Variants in RIPOR2 observed in about 807,000 individuals in gnomAD.
RIPOR2 encodes rho family-interacting cell polarization regulator 2.
Under a neutral mutation model 114.5 loss-of-function variants are expected in RIPOR2, and 39 were observed. That is an observed-to-expected ratio of 0.34 (90% confidence interval 0.26 to 0.44). The LOEUF (loss-of-function observed/expected upper bound fraction) is 0.44. Among genes scored for constraint, RIPOR2 ranks in the 20% least tolerant of loss-of-function variants. The probability of loss-of-function intolerance (pLI) is 1.00; values close to 1 mark genes in which losing one functional copy is unlikely to be tolerated. For synonymous variants in RIPOR2, 445 were observed against 484.4 expected, an observed-to-expected ratio of 0.92 and a Z score of 1.07; for missense variants, 1,007 against 1,255.1, an observed-to-expected ratio of 0.80 and a Z score of 2.99.
intron 1 of RIPOR2, among the ~76,000 whole-genome samples, chr6:24,905,797 T>C (rs1378416163): frequency 1.3e-5 from 2 of 152,240 alleles, no homozygotes; most frequent in African/African-American, 4.8e-5. Flanking sequence ...TCTGCCTTGC[T>C]TTTGTATTTC....
intron 1 of RIPOR2, among the ~76,000 whole-genome samples, chr6:24,989,387 C>G (rs1175194467): frequency 6.6e-6 from 1 of 151,714 alleles, no homozygotes; most frequent in South Asian, 2.1e-4. Flanking sequence ...CCTCCGCCTC[C>G]TGGGTTTGAG....
At chr6:24,839,382 ATT>A (rs1761412476) in intron 13 of RIPOR2, 110 bp from the exon 14 acceptor site, 1 of 1,438,368 alleles carries the variant, frequency 7.0e-7, no homozygotes, top group South Asian at 1.5e-5. Flanking sequence ...TCAAGTTTTT[ATT>A]TTTTGTTAGC....
At position 24,976,941 on chromosome 6, in the gene RIPOR2, G is replaced by A; in HGVS notation, c.76+64910C>T. 3 of 1,566,462 alleles carry A rather than the reference G, an allele frequency of 1.9e-6. No individual in the cohort carries two copies. The South Asian group carries it at 3.3e-5, about 17-fold the overall frequency. On this transcript the variant is annotated intron_variant, in intron 1 of 13. Transcript: ENST00000510784. Reference sequence around the variant, plus strand: ...TTTGGGTCCAGGAATGGCAAGACCAGCAAGAAGATCACCATTGCTGACTGT... The same window carrying A: ...TTTGGGTCCAGGAATGGCAAGACCAACAAGAAGATCACCATTGCTGACTGT...
intron 1 of RIPOR2, among the ~76,000 whole-genome samples, chr6:24,931,372 C>T (rs796742996): frequency 1.2e-4 from 19 of 152,274 alleles, no homozygotes; most frequent in African/African-American, 4.6e-4. Context: ...GGAAAAAGTG[C>T]TAACTTACTT....
chr6:24,943,672 G>A (rs421817), intron 1 of RIPOR2, among the ~76,000 whole-genome samples: 26,313 of 151,708 alleles, frequency 0.17, 2,443 homozygotes, highest in East Asian at 0.34. Flanking sequence ...TAATTTACCA[G>A]CTTCCACACA....
intron 1 of RIPOR2, among the ~76,000 whole-genome samples, chr6:25,006,604 G>C (rs1219843310): frequency 6.6e-6 from 1 of 152,160 alleles, no homozygotes; most frequent in Non-Finnish European, 1.5e-5. Flanking sequence ...TTCATCCCCT[G>C]TGTCCTCCAG....
intron 16 of RIPOR2, among the ~76,000 whole-genome samples, chr6:24,831,395 A>G (rs1263275800): frequency 6.6e-6 from 1 of 152,120 alleles, no homozygotes; most frequent in Admixed American, 6.5e-5. Context: ...GGCTGGAGGA[A>G]ATTTTTACCC....
rs1012392050 is a variant in RIPOR2, at chr6:24,898,057, A to AGAAG, written c.62-22244_62-22241dup. The stretch of plus-strand genomic sequence containing the variant: ...AAGAAGGAAGGAAGGAAGGAAGGAA[A>AGAAG]GAAGGAAGGAAGGAAGGAAGCAAGG... On this transcript the variant is annotated intron_variant, in intron 1 of 21. Coordinates refer to ENST00000643898, the MANE Select transcript of RIPOR2 (RefSeq NM_001286445.3). Among the ~76,000 whole-genome samples, 6 of 151,606 alleles carry AGAAG rather than the reference A, an allele frequency of 4.0e-5. No homozygotes were observed. The South Asian group carries it at 1.0e-3, about 26-fold the overall frequency.
chr6:24,840,256 T>A, intron 13 of RIPOR2: 1 of 1,017,656 alleles, frequency 9.8e-7, no homozygotes, highest in Non-Finnish European at 1.2e-6. Context: ...AGCATATAAT[T>A]TTTCCTCTGA....
intron 1 of RIPOR2, chr6:24,877,375 C>T: frequency 1.0e-6 from 1 of 985,326 alleles, no homozygotes; most frequent in Non-Finnish European, 1.2e-6. Context: ...TGCTGACTCA[C>T]TTGGCTACAG....
chr6:24,835,107 A>C (rs988276855), intron 15 of RIPOR2, among the ~76,000 whole-genome samples: 1 of 152,202 alleles, frequency 6.6e-6, no homozygotes, highest in East Asian at 1.9e-4. Flanking sequence ...ATTTAAGAAC[A>C]TTTTGCTCCA....
intron 1 of RIPOR2, among the ~76,000 whole-genome samples, chr6:24,927,052 C>A (rs1420576187): frequency 0.31 from 189 of 604 alleles, 13 homozygotes; most frequent in East Asian, 0.5. Context: ...ATCTCACTAC[C>A]ACCACCACCA....
intron 1 of RIPOR2, among the ~76,000 whole-genome samples, chr6:24,893,716 A>G (rs956157766): frequency 2.0e-5 from 3 of 152,156 alleles, no homozygotes; most frequent in African/African-American, 7.2e-5. Flanking sequence ...CCCCAACCAA[A>G]CTGGGGAGCA....
chr6:24,840,012 T>C, intron 13 of RIPOR2: 1 of 903,022 alleles, frequency 1.1e-6, no homozygotes, highest in South Asian at 4.6e-5. Context: ...TGCAGTGGTG[T>C]GATCACAGCT....
At chr6:24,839,806 C>G (rs1208344941) in intron 13 of RIPOR2, 5 of 1,351,484 alleles carry the variant, frequency 3.7e-6, no homozygotes, top group Non-Finnish European at 3.8e-6. Flanking sequence ...GTGGCAATGT[C>G]TTCGGTGTTT....
chr6:25,039,421 C>T (rs1184786816), intron 1 of RIPOR2, among the ~76,000 whole-genome samples: 1 of 152,214 alleles, frequency 6.6e-6, no homozygotes, highest in Non-Finnish European at 1.5e-5. Flanking sequence ...GGGCTCTTGA[C>T]CATCCTGGAA....
intron 1 of RIPOR2, among the ~76,000 whole-genome samples, chr6:25,022,166 C>T (rs1219098336): frequency 6.6e-6 from 1 of 152,138 alleles, no homozygotes; most frequent in African/African-American, 2.4e-5. Context: ...AGTGTAACCA[C>T]CACCACAATC....
chr6:24,948,279 C>T (rs531747192), intron 1 of RIPOR2: 3 of 152,154 alleles, frequency 2.0e-5, no homozygotes, highest in Non-Finnish European at 2.9e-5. Flanking sequence ...TGTTGATAAC[C>T]AAACAATTCT....
intron 9 of RIPOR2, among the ~76,000 whole-genome samples, chr6:24,852,072 C>T (rs941231818): frequency 2.6e-5 from 4 of 152,018 alleles, no homozygotes; most frequent in African/African-American, 7.2e-5. Context: ...CCAGCCTGGC[C>T]AACATGGTGA....
Sources: gnomAD v4.1 joint callset for allele counts (sites outside exome capture counted in the v4.1 genomes callset) on GRCh38, gnomAD v4.1.1 for gene constraint, MANE v1.5 for transcripts, NCBI Gene and HGNC (gene_info 2026-07-23, HGNC 2026-07-21) for gene names.